The following CLDN14 variants were observed in gnomAD, a reference collection of about 807,000 sequenced individuals.
CLDN14 encodes claudin 14, also known as claudin-14.
Under a neutral mutation model 2.1 loss-of-function variants are expected in CLDN14, and 2 were observed. The observed-to-expected ratio is 0.96, with a 90% CI of 0.39 to 3.01. The LOEUF (loss-of-function observed/expected upper bound fraction) is 3.01, where lower values mean the gene tolerates loss of function less well. Among genes scored for constraint, CLDN14 ranks in the 30% most tolerant of loss-of-function variants. The pLI is 0.09. For missense variants in CLDN14, 298 were observed against 328.0 expected, an observed-to-expected ratio of 0.91 and a Z score of 0.71; for synonymous variants, 136 against 154.4, an observed-to-expected ratio of 0.88 and a Z score of 0.88.
intron 1 of CLDN14, among the ~76,000 whole-genome samples, chr21:36,462,695 C>T (rs545531226): frequency 7.2e-5 from 11 of 151,824 alleles, no homozygotes; most frequent in Middle Eastern, 3.4e-3. Flanking sequence ...TTTGGGAGGC[C>T]GAGGCAGGTG....
chr21:36,490,058 C>T (rs529654499), intron 2 of CLDN14, among the ~76,000 whole-genome samples: 14 of 152,318 alleles, frequency 9.2e-5, no homozygotes, highest in African/African-American at 3.1e-4. Context: ...GACTTTGCTG[C>T]GGCCTCGCTG....
intron 2 of CLDN14, among the ~76,000 whole-genome samples, chr21:36,506,917 G>C (rs988362309): frequency 3.3e-5 from 5 of 152,052 alleles, no homozygotes; most frequent in Non-Finnish European, 7.4e-5. Flanking sequence ...CCAGGAGTTT[G>C]AGACCAGCCT....
At chr21:36,516,284 C>T (rs910692057) in intron 1 of CLDN14, among the ~76,000 whole-genome samples, 3 of 152,096 alleles carry the variant, frequency 2.0e-5, no homozygotes, top group Non-Finnish European at 4.4e-5. Context: ...TTATCACAGC[C>T]AAAAGAGCCA....
chr21:36,535,108 G>A (rs1363932790), intron 1 of CLDN14, among the ~76,000 whole-genome samples: 1 of 152,198 alleles, frequency 6.6e-6, no homozygotes, highest in African/African-American at 2.4e-5. Context: ...AATGCTTTGT[G>A]GGCTGGGTGT....
chr21:36,521,556 C>G (rs1157248765), intron 1 of CLDN14, among the ~76,000 whole-genome samples: 2 of 152,194 alleles, frequency 1.3e-5, no homozygotes, highest in South Asian at 4.1e-4. Context: ...CCAGGAAAAT[C>G]CTGAAATTGA....
upstream of CLDN14, among the ~76,000 whole-genome samples, chr21:36,481,475 T>C (rs1260527795): frequency 6.6e-6 from 1 of 152,252 alleles, no homozygotes; most frequent in Non-Finnish European, 1.5e-5. Flanking sequence ...ACAAGTTCAT[T>C]ACATTTAGTT....
chr21:36,479,142 C>T (rs2086814082), intron 1 of CLDN14, among the ~76,000 whole-genome samples: 1 of 152,170 alleles, frequency 6.6e-6, no homozygotes, highest in Admixed American at 6.5e-5. Context: ...GCTGAGCTCC[C>T]CGAGCTGAGC....
At chr21:36,488,167 GATGTT>G (rs1328354293) in intron 2 of CLDN14, among the ~76,000 whole-genome samples, 2 of 151,904 alleles carry the variant, frequency 1.3e-5, no homozygotes, top group Admixed American at 6.6e-5. Flanking sequence ...GAACCTTGAG[GATGTT>G]ATGTTAAGTG....
chr21:36,510,004 G>A (rs2087171102), intron 2 of CLDN14, among the ~76,000 whole-genome samples: 1 of 152,312 alleles, frequency 6.6e-6, no homozygotes, highest in Admixed American at 6.5e-5. Flanking sequence ...CCCTACCATA[G>A]ACACCCTGTA....
intron 2 of CLDN14, among the ~76,000 whole-genome samples, chr21:36,494,889 G>T (rs2071051): frequency 6.6e-5 from 10 of 152,160 alleles, no homozygotes; most frequent in East Asian, 1.9e-4. Context: ...TTCTGCTCAA[G>T]GACCACAGGT....
chr21:36,553,234 G>T (rs139085476), intron 1 of CLDN14, among the ~76,000 whole-genome samples: 22 of 152,200 alleles, frequency 1.4e-4, no homozygotes, highest in Non-Finnish European at 2.5e-4. Context: ...GATGGCGTCT[G>T]CTATAGTCTT....
intron 1 of CLDN14, among the ~76,000 whole-genome samples, chr21:36,525,888 G>C (rs949468828): frequency 2.0e-5 from 3 of 152,156 alleles, no homozygotes; most frequent in Non-Finnish European, 4.4e-5. Flanking sequence ...GACTTGAGAG[G>C]CTGAGCGGGA....
chr21:36,554,819 C>G (rs1422743658), intron 1 of CLDN14, among the ~76,000 whole-genome samples: 2 of 152,180 alleles, frequency 1.3e-5, no homozygotes, highest in African/African-American at 4.8e-5. Flanking sequence ...GTACTGATTA[C>G]CTCCCGCCCC....
At chr21:36,565,103 A>C (rs1354182235) in intron 1 of CLDN14, among the ~76,000 whole-genome samples, 1 of 152,224 alleles carries the variant, frequency 6.6e-6, no homozygotes, top group African/African-American at 2.4e-5. Context: ...ACGGGAAGCT[A>C]ACACAGTTCC....
At position 36,460,844 on chromosome 21, in the gene CLDN14, C is replaced by T. The variant is rs916614442; in HGVS notation, c.*132G>A. On this transcript the variant is annotated 3_prime_UTR_variant, in exon 2 of 2. Transcript: ENST00000399135. The surrounding 1 kb of genome is among the most constrained non-coding windows in gnomAD (Gnocchi z 4.0). Reference sequence around the variant, plus strand: ...TCCCTGTGCTCTAAAGACATTTCCTCGCATTCACATTATTTCCTTGGATAC... The same window carrying T: ...TCCCTGTGCTCTAAAGACATTTCCTTGCATTCACATTATTTCCTTGGATAC... 15 of 1,055,242 alleles carry T rather than the reference C, an allele frequency of 1.4e-5. No individual in the cohort carries two copies. The highest frequency in any genetic ancestry group is 1.3e-4 in the Admixed American group (6 of 47,764). 65.4% of individuals were successfully genotyped at this position (1,055,242 alleles called of 1,614,324 possible).
In CLDN14 at chr21:36,544,226, C is replaced by T. The variant is rs900218628; in HGVS notation, c.-220+32185G>A. 1.2e-4 allele frequency among the ~76,000 whole-genome samples: 19 copies of T among 152,242 alleles called. No homozygotes were observed. Among genetic ancestry groups the T allele is most frequent in the African/African-American group, 4.6e-4 (19 of 41,462 alleles). On this transcript the variant is annotated intron_variant, in intron 1 of 2. Coordinates refer to the CLDN14 transcript ENST00000342108. The surrounding 1 kb of genome is among the most constrained non-coding windows in gnomAD (Gnocchi z 4.1). ...TTGGGCAGGTCCTTGCCCTGGGCCCCCTCTGCTGCCATCCATCCCTCTCCC... is the reference window on the plus strand; with the variant it reads ...TTGGGCAGGTCCTTGCCCTGGGCCCTCTCTGCTGCCATCCATCCCTCTCCC...
At chr21:36,483,214 A>G (rs2086864841), upstream of CLDN14, among the ~76,000 whole-genome samples, 1 of 152,196 alleles carries the variant, frequency 6.6e-6, no homozygotes, top group Non-Finnish European at 1.5e-5. Flanking sequence ...CTTGCATCTC[A>G]GCATCAGCTC....
In CLDN14 at chr21:36,537,989, ATGTGTGTG is replaced by A. The variant is rs34437515; in HGVS notation, c.-219-27497_-219-27490del. ...ATGGTTAAGAAAAAATCAAAACAAA[ATGTGTGTG>A]TGTGTGTGTGTGTGTGTGTACAGAG... On this transcript the variant is annotated intron_variant, in intron 1 of 2. Coordinates refer to the CLDN14 transcript ENST00000342108. Among the ~76,000 whole-genome samples the A allele has an allele frequency of 6.0e-5, 9 of 149,176 alleles. 1 individual carries two copies. Among genetic ancestry groups the A allele is most frequent in the African/African-American group, 1.2e-4 (5 of 40,640 alleles).
intron 1 of CLDN14, among the ~76,000 whole-genome samples, chr21:36,466,912 A>G (rs535036739): frequency 1.3e-5 from 2 of 152,320 alleles, no homozygotes; most frequent in African/African-American, 4.8e-5. Context: ...AGAGAAATTG[A>G]CCAAAACAAA....
Sources: allele counts gnomAD v4.1 joint callset (sites outside exome capture counted in the v4.1 genomes callset), GRCh38; gene constraint gnomAD v4.1.1; non-coding constraint Gnocchi (gnomAD v3.1); transcripts MANE v1.5; gene names NCBI Gene and HGNC (gene_info 2026-07-23, HGNC 2026-07-21).